The following TNR variants were observed in gnomAD, a reference collection of about 807,000 sequenced individuals.
TNR encodes the protein tenascin R.
A neutral mutation model predicts 150.4 loss-of-function variants in TNR; 45 were observed. The ratio of observed to expected loss-of-function variants is 0.30; its 90% CI spans 0.24 to 0.38. TNR has a LOEUF of 0.38. Among genes scored for constraint, TNR ranks in the 10% least tolerant of loss-of-function variants. The pLI is 1.00. For missense variants in TNR, 1,544 were observed against 1,759.1 expected, an observed-to-expected ratio of 0.88 and a Z score of 2.19; for synonymous variants, 687 against 678.4, an observed-to-expected ratio of 1.01 and a Z score of -0.20.
chr1:175,445,752 C>G (rs1184534912), intron 2 of TNR, among the ~76,000 whole-genome samples: 2 of 152,148 alleles, frequency 1.3e-5, no homozygotes, highest in African/African-American at 4.8e-5. Context: ...TCCATAGTTC[C>G]CAGAACTGAT....
At chr1:175,593,630 G>A (rs1662892686) in intron 1 of TNR, among the ~76,000 whole-genome samples, 1 of 152,122 alleles carries the variant, frequency 6.6e-6, no homozygotes, top group African/African-American at 2.4e-5. Context: ...TTCACTGGTT[G>A]AACCAAAATC....
chr1:175,419,741 C>T (rs2102061040), intron 2 of TNR, among the ~76,000 whole-genome samples: 1 of 152,288 alleles, frequency 6.6e-6, no homozygotes, highest in East Asian at 1.9e-4. Context: ...CTCAGCCTCC[C>T]AAAGTGCTGA....
At chr1:175,697,115 A>G (rs1422788410) in intron 1 of TNR, among the ~76,000 whole-genome samples, 1 of 151,750 alleles carries the variant, frequency 6.6e-6, no homozygotes, top group Non-Finnish European at 1.5e-5. Context: ...ATATGTATGT[A>G]CATATATCTG....
At chr1:175,688,081 C>T (rs774876246) in intron 1 of TNR, among the ~76,000 whole-genome samples, 7 of 152,248 alleles carry the variant, frequency 4.6e-5, no homozygotes, top group Non-Finnish European at 1.0e-4. Flanking sequence ...GGAGAACAAG[C>T]GTCTCACATA....
chr1:175,372,367 C>T (rs140467690), intron 9 of TNR, among the ~76,000 whole-genome samples: 71 of 152,234 alleles, frequency 4.7e-4, no homozygotes, highest in South Asian at 1.0e-3. Flanking sequence ...TAAGAGGACA[C>T]GATCAGCAGG....
At chr1:175,650,717 CCTA>C (rs1664936395) in intron 1 of TNR, among the ~76,000 whole-genome samples, 8 of 47,352 alleles carry the variant, frequency 1.7e-4, no homozygotes, top group Non-Finnish European at 2.8e-4. Flanking sequence ...TACCCCTCCC[CCTA>C]CCCCTCCCCG....
intron 2 of TNR, among the ~76,000 whole-genome samples, chr1:175,459,470 G>T (rs1281492804): frequency 6.6e-6 from 1 of 152,212 alleles, no homozygotes; most frequent in Non-Finnish European, 1.5e-5. Context: ...TCTAATGTGA[G>T]GCCAAGTGGG....
chr1:175,506,464 A>G (rs1489297896), intron 2 of TNR, among the ~76,000 whole-genome samples: 1 of 152,206 alleles, frequency 6.6e-6, no homozygotes, highest in African/African-American at 2.4e-5. Context: ...AAATAGGACC[A>G]TTAAAGAGAT....
chr1:175,436,339 C>T (rs1027470413), intron 2 of TNR, among the ~76,000 whole-genome samples: 33 of 152,072 alleles, frequency 2.2e-4, no homozygotes, highest in African/African-American at 7.7e-4. Flanking sequence ...GTTTGTTTCT[C>T]TTTATTCTTT....
At chr1:175,549,772 C>T (rs986797289) in intron 1 of TNR, among the ~76,000 whole-genome samples, 1 of 152,156 alleles carries the variant, frequency 6.6e-6, no homozygotes, top group African/African-American at 2.4e-5. Context: ...TTCAGCCCTA[C>T]AACTACAAGG....
At chr1:175,333,949 G>A (rs1335534816) in intron 20 of TNR, among the ~76,000 whole-genome samples, 1 of 152,242 alleles carries the variant, frequency 6.6e-6, no homozygotes, top group Non-Finnish European at 1.5e-5. Flanking sequence ...TTTTGCATGT[G>A]TGGAGTTTGG....
In TNR at chr1:175,528,378, G is replaced by T. The variant is rs902636820; in HGVS notation, c.-164-9C>A. 1 of 152,178 alleles carries T rather than the reference G, an allele frequency of 6.6e-6. No individual in the cohort carries two copies. The highest frequency in any genetic ancestry group is 2.4e-5 in the African/African-American group (1 of 41,444). The allele number at this position is 152,178 out of a possible 1,614,324, so 9.4% of individuals were successfully genotyped here. The stretch of plus-strand genomic sequence containing the variant: ...TAAAACGATACAGCCACCTGAAACA[G>T]AAATAAGGGAGGGAAGAAATATATT... On this transcript the variant is annotated splice_polypyrimidine_tract_variant and intron_variant, in intron 1 of 22. Coordinates refer to ENST00000367674, the MANE Select transcript of TNR (RefSeq NM_003285.3).
rs767532674 is a variant in TNR at position 175,323,343 on chromosome 1, C to A, written c.*14G>T. 1 of 1,610,916 alleles carries A rather than the reference C, an allele frequency of 6.2e-7. No homozygotes were observed. Among genetic ancestry groups the A allele is most frequent in the Admixed American group, 1.7e-5 (1 of 59,212 alleles). On this transcript the variant is annotated 3_prime_UTR_variant, in exon 23 of 23. Coordinates refer to ENST00000367674, the MANE Select transcript of TNR (RefSeq NM_003285.3). ...ATGACAGAAAATATTGGTTGGCTTG[C>A]AGCCGCCCACTGCTCAGAACTGTAA...
intron 1 of TNR, among the ~76,000 whole-genome samples, chr1:175,650,429 G>T (rs771575825): frequency 2.2e-4 from 33 of 151,860 alleles, no homozygotes; most frequent in Non-Finnish European, 4.7e-4. Flanking sequence ...GAATAGTTTG[G>T]ATTATTGAGT....
chr1:175,396,658 C>T lies in TNR; in HGVS notation c.1126G>A (p.Asp376Asn). 3.1e-6 allele frequency: 5 copies of T among 1,614,260 alleles called. No individual in the cohort carries two copies. The highest frequency in any genetic ancestry group is 3.4e-6 in the Non-Finnish European group (4 of 1,180,046). Residue 376 changes from aspartate (D) to asparagine (N), a missense_variant, in exon 5 of 23, where the codon GAT (aspartate) becomes AAT (asparagine). Asp to Asn is a conservative substitution (Grantham distance 23). Transcript: ENST00000367674. ...GLQLQQRVPG[D>N]WSGVTITELE... ...TCCGTGATGGTGACACCACTCCAAT[C>T]TCCAGGCACCCGCTGCTGGAGCTGG... is the stretch of plus-strand genomic sequence containing the variant.
intron 1 of TNR, among the ~76,000 whole-genome samples, chr1:175,633,848 A>G (rs1020792492): frequency 1.3e-5 from 2 of 152,332 alleles, no homozygotes; most frequent in Non-Finnish European, 2.9e-5. Context: ...CACATCTTCC[A>G]TAGACCAGAT....
chr1:175,574,416 G>A (rs1571625902), intron 1 of TNR, among the ~76,000 whole-genome samples: 1 of 152,234 alleles, frequency 6.6e-6, no homozygotes, highest in East Asian at 1.9e-4. Flanking sequence ...TGAAAGAAAA[G>A]ATGGGAGTAG....
intron 15 of TNR, among the ~76,000 whole-genome samples, chr1:175,357,167 A>G (rs10798390): frequency 0.54 from 82,349 of 151,976 alleles, 22,459 homozygotes; most frequent in East Asian, 0.71. Context: ...ATTTTGCCTC[A>G]TTGATTGAGT....
chr1:175,422,129 T>A (rs938039121), intron 2 of TNR, among the ~76,000 whole-genome samples: 4 of 152,346 alleles, frequency 2.6e-5, no homozygotes, highest in Admixed American at 2.6e-4. Context: ...AGCAGCCTGA[T>A]TCCATAGTCT....
Sources: allele counts gnomAD v4.1 joint callset (sites outside exome capture counted in the v4.1 genomes callset), GRCh38; gene constraint gnomAD v4.1.1; transcripts MANE v1.5; gene names NCBI Gene and HGNC (gene_info 2026-07-23, HGNC 2026-07-21).